Variants in ELMOD3 observed in about 807,000 individuals in gnomAD.
ELMOD3 encodes ELMO domain-containing protein 3.
A neutral mutation model predicts 47.4 loss-of-function variants in ELMOD3; 36 were observed. The ratio of observed to expected loss-of-function variants is 0.76; its 90% CI spans 0.58 to 1.00. ELMOD3 has a LOEUF of 1.00. Among genes scored for constraint, ELMOD3 ranks in the 50% least tolerant of loss-of-function variants. The pLI is 0.00. For missense variants in ELMOD3, 404 were observed against 463.8 expected, an observed-to-expected ratio of 0.87 and a Z score of 1.18; for synonymous variants, 149 against 183.5, an observed-to-expected ratio of 0.81 and a Z score of 1.52.
chr2:85,387,099 T>C (rs1302517738), intron 11 of ELMOD3: 15 of 1,301,806 alleles, frequency 1.2e-5, no homozygotes, highest in Admixed American at 4.6e-5. Context: ...TATTTTTAGA[T>C]TGAAAGAAAT....
chr2:85,370,937 GCTT>G (rs2104585232), intron 8 of ELMOD3, 146 bp from the exon 9 acceptor site: 1 of 897,242 alleles, frequency 1.1e-6, no homozygotes, highest in African/African-American at 1.7e-5. Context: ...GTGCCTTGCA[GCTT>G]CTGCCTCCTT....
intron 11 of ELMOD3, among the ~76,000 whole-genome samples, chr2:85,379,020 A>G (rs1442436555): frequency 2.6e-5 from 4 of 152,192 alleles, no homozygotes; most frequent in African/African-American, 4.8e-5. Flanking sequence ...TCTGAAGTCT[A>G]TACATCAGTA....
In ELMOD3 at chr2:85,390,948, G is replaced by A. The variant is rs1314451876; in HGVS notation, c.1132G>A (p.Val378Ile). 7.7e-6 allele frequency: 12 copies of A among 1,551,160 alleles called. No individual in the cohort carries two copies. The highest frequency in any genetic ancestry group is 4.1e-5 in the African/African-American group (3 of 72,998). Reference sequence around the variant, plus strand: ...CCTGCAGTCTCACTCATCCGAAGGCGTATGGCTGATCTGACCTCCGAGATG... The same window carrying A: ...CCTGCAGTCTCACTCATCCGAAGGCATATGGCTGATCTGACCTCCGAGATG... ...SDLQSHSSEGVWLI is the reference protein window; with the variant it reads ...SDLQSHSSEGIWLI Residue 378 changes from valine to isoleucine, a missense_variant, in exon 14 of 14, where the codon GTA (valine) becomes ATA (isoleucine). Physicochemically the swap from Val to Ile is conservative, Grantham distance 29 (BLOSUM62 3). Transcript: ENST00000409013.
At chr2:85,358,917 G>A (rs1683748771) in intron 4 of ELMOD3, among the ~76,000 whole-genome samples, 1 of 152,160 alleles carries the variant, frequency 6.6e-6, no homozygotes, top group African/African-American at 2.4e-5. Flanking sequence ...ACAAGCAAAT[G>A]TGCTTATGTA....
At chr2:85,373,529 T>G (rs1684951750) in intron 10 of ELMOD3, among the ~76,000 whole-genome samples, 1 of 151,960 alleles carries the variant, frequency 6.6e-6, no homozygotes, top group African/African-American at 2.4e-5. Context: ...ATACATAATT[T>G]CTGAATCTCT....
intron 10 of ELMOD3, among the ~76,000 whole-genome samples, chr2:85,375,828 TC>T (rs1410744751): frequency 6.6e-6 from 1 of 152,250 alleles, no homozygotes; most frequent in East Asian, 1.9e-4. Context: ...AGAGTCCATT[TC>T]CTTGCCTTTT....
chr2:85,371,653 G>A (rs910407190), intron 10 of ELMOD3, 91 bp downstream of exon 10: 214 of 1,548,618 alleles, frequency 1.4e-4, no homozygotes, highest in Non-Finnish European at 1.7e-4. Flanking sequence ...AGTGCTATGA[G>A]GGGGAAGATC....
chr2:85,377,548 C>T, intron 11 of ELMOD3, 74 bp downstream of exon 11: 1 of 1,487,362 alleles, frequency 6.7e-7, no homozygotes, highest in Non-Finnish European at 9.0e-7. Flanking sequence ...AGAGGGCTCC[C>T]AGGACAGCTG....
chr2:85,378,491 A>G (rs934120656), intron 11 of ELMOD3, among the ~76,000 whole-genome samples: 1 of 152,230 alleles, frequency 6.6e-6, no homozygotes, highest in Non-Finnish European at 1.5e-5. Context: ...TTCAGTCCAG[A>G]AAGGCGGGAC....
chr2:85,373,090 A>G (rs1573116721), intron 10 of ELMOD3, among the ~76,000 whole-genome samples: 1 of 151,672 alleles, frequency 6.6e-6, no homozygotes, highest in Non-Finnish European at 1.5e-5. Flanking sequence ...CCCCATCTCT[A>G]CTAAAAATAT....
intron 11 of ELMOD3, among the ~76,000 whole-genome samples, chr2:85,384,604 T>C (rs1288178840): frequency 6.6e-6 from 1 of 152,128 alleles, no homozygotes; most frequent in African/African-American, 2.4e-5. Context: ...TTTTTATTTT[T>C]TAAAACAGTC....
intron 6 of ELMOD3, among the ~76,000 whole-genome samples, chr2:85,365,000 C>T (rs1342485150): frequency 6.7e-5 from 10 of 149,486 alleles, no homozygotes; most frequent in South Asian, 2.1e-4. Context: ...GAGATGGAGA[C>T]GGTCTCATTA....
In ELMOD3 at chr2:85,369,873, T is replaced by A. The variant is rs751033079; in HGVS notation, c.360+43T>A. On this transcript the variant is annotated intron_variant, in intron 8 of 13. Coordinates refer to ENST00000409013, the MANE Select transcript of ELMOD3 (RefSeq NM_001135022.2). ...TTTGGAGTCTCAAGCAAAGTGCCTTTTCCCTAGGAGCCAAGCCTCTATCCC... is the reference window on the plus strand; with the variant it reads ...TTTGGAGTCTCAAGCAAAGTGCCTTATCCCTAGGAGCCAAGCCTCTATCCC... The A allele has an allele frequency of 2.5e-6, 4 of 1,607,584 alleles. No homozygotes were observed. The Admixed American group carries it at 6.8e-5, about 27-fold the overall frequency.
intron 13 of ELMOD3, 49 bp downstream of exon 13, chr2:85,390,314 G>C: frequency 6.2e-7 from 1 of 1,614,094 alleles, no homozygotes; most frequent in East Asian, 2.2e-5. Context: ...CAGTGTCCCA[G>C]GTCCAGAGAG....
rs1277713399 is a variant in ELMOD3 at position 85,388,166 on chromosome 2, T to A, written c.739-1585T>A. ...TTGTTTTTTTGAAAAAAAAAAAATT[T>A]TTTTGTAGAGACAGGATCTCACCAT... On this transcript the variant is annotated intron_variant, in intron 11 of 13. Coordinates refer to ENST00000409013, the MANE Select transcript of ELMOD3 (RefSeq NM_001135022.2). Among the ~76,000 whole-genome samples the A allele has an allele frequency of 6.9e-5, 9 of 130,978 alleles. No homozygotes were observed. In the East Asian group the frequency reaches 1.1e-3, roughly 17 times the overall value. The allele number at this position is 130,978 out of a possible 152,430, so 85.9% of individuals were successfully genotyped here. A position where few individuals can be genotyped will look rare whatever the true frequency, so the allele number is the denominator to read the frequency against.
chr2:85,390,166 C>G lies in ELMOD3; in HGVS notation c.844C>G (p.Pro282Ala). The change falls in exon 13 of 14, where the codon CCC becomes GCC. Residue 282 changes from proline (P) to alanine (A), a missense_variant. Physicochemically the swap from Pro to Ala is conservative, Grantham distance 27. Coordinates refer to ENST00000409013, the MANE Select transcript of ELMOD3 (RefSeq NM_001135022.2). The stretch of plus-strand genomic sequence containing the variant: ...GTGTAATCGGCAGCAGAAGGTCATC[C>G]CCGTGGTGAACAGCTTCTATGCCGC... Reference protein sequence around the residue: ...RECNRQQKVIPVVNSFYAATF... With the variant: ...RECNRQQKVIAVVNSFYAATF... 1.2e-6 allele frequency: 2 copies of G among 1,614,176 alleles called. No individual in the cohort carries two copies.
intron 11 of ELMOD3, chr2:85,387,123 G>A: frequency 7.7e-7 from 1 of 1,300,748 alleles, no homozygotes; most frequent in Non-Finnish European, 1.0e-6. Flanking sequence ...GGGAAGGGAT[G>A]ATATTATGCA....
intron 11 of ELMOD3, among the ~76,000 whole-genome samples, chr2:85,384,387 G>A (rs1016114077): frequency 6.6e-6 from 1 of 152,158 alleles, no homozygotes; most frequent in African/African-American, 2.4e-5. Context: ...CCTTGCACAG[G>A]GGTAGCATCT....
At chr2:85,360,076 A>G (rs376634434) in intron 4 of ELMOD3, among the ~76,000 whole-genome samples, 1 of 152,038 alleles carries the variant, frequency 6.6e-6, no homozygotes, top group African/African-American at 2.4e-5. Context: ...AAAAACCCAC[A>G]TGGAGAAACC....
Sources: gnomAD v4.1 joint callset for allele counts (sites outside exome capture counted in the v4.1 genomes callset) on GRCh38, gnomAD v4.1.1 for gene constraint, MANE v1.5 for transcripts, NCBI Gene and HGNC (gene_info 2026-07-23, HGNC 2026-07-21) for gene names.